The following ST3GAL6 variants were observed in gnomAD, a reference collection of about 807,000 sequenced individuals.
ST3GAL6 encodes the protein ST3 beta-galactoside alpha-2,3-sialyltransferase 6, also known as type 2 lactosamine alpha-2,3-sialyltransferase.
ST3GAL6 carries 31 observed loss-of-function variants against 40.5 expected under a neutral mutation model. The observed-to-expected ratio is 0.77, with a 90% confidence interval of 0.58 to 1.03. ST3GAL6 has a LOEUF of 1.03. ST3GAL6 is among the 50% of genes least tolerant of loss of function. The pLI, the probability that ST3GAL6 is intolerant of heterozygous loss-of-function variation, is 0.00. For missense variants in ST3GAL6, 357 were observed against 393.2 expected, an observed-to-expected ratio of 0.91 and a Z score of 0.78; for synonymous variants, 129 against 136.9, an observed-to-expected ratio of 0.94 and a Z score of 0.40.
chr3:98,771,000 A>C, intron 3 of ST3GAL6, 44 bp downstream of exon 3: 1 of 1,595,854 alleles, frequency 6.3e-7, no homozygotes, highest in Non-Finnish European at 8.6e-7. Context: ...AAATATTCTA[A>C]ATGTGCTTGT....
At chr3:98,782,951 A>G (rs1397250451) in intron 5 of ST3GAL6, 6 of 350,026 alleles carry the variant, frequency 1.7e-5, no homozygotes, top group South Asian at 1.2e-4. Flanking sequence ...GGCTGCATCA[A>G]TTGGAAATGC....
intron 1 of ST3GAL6, among the ~76,000 whole-genome samples, chr3:98,755,293 G>C (rs1937336638): frequency 1.3e-5 from 2 of 152,098 alleles, no homozygotes; most frequent in South Asian, 4.1e-4. Flanking sequence ...TGATCCACCT[G>C]CCTCAGCCTC....
chr3:98,784,856 G>C lies in ST3GAL6; in HGVS notation c.336-89G>C, dbSNP rs116225654. 2,436 of 976,988 alleles carry C rather than the reference G, an allele frequency of 2.5e-3. 37 individuals carry two copies. The African/African-American group carries it at 0.034, about 14-fold the overall frequency. The allele number at this position is 976,988 out of a possible 1,614,324, so 60.5% of individuals were successfully genotyped here. A position where few individuals can be genotyped will look rare whatever the true frequency, so the allele number is the denominator to read the frequency against. On this transcript the variant is annotated intron_variant, in intron 5 of 9. Coordinates refer to ENST00000483910, the MANE Select transcript of ST3GAL6 (RefSeq NM_001323368.2). ...TCTACTTGCGCAACAAGTGGAATTTGGCACTGGGTTTCTGACAGTATGCAT... is the reference window on the plus strand; with the variant it reads ...TCTACTTGCGCAACAAGTGGAATTTCGCACTGGGTTTCTGACAGTATGCAT...
chr3:98,778,006 C>T (rs1939715563), intron 5 of ST3GAL6, among the ~76,000 whole-genome samples: 1 of 152,192 alleles, frequency 6.6e-6, no homozygotes, highest in Admixed American at 6.5e-5. Flanking sequence ...CATCCTCACA[C>T]AGCTAGAAAC....
At chr3:98,769,789 AG>A (rs1270497882) in intron 2 of ST3GAL6, among the ~76,000 whole-genome samples, 2 of 149,532 alleles carry the variant, frequency 1.3e-5, no homozygotes, top group African/African-American at 4.9e-5. Context: ...AGTCACCCAA[AG>A]GTTGTCTTCA....
Position 98,795,685 on chromosome 3 carries a change from G to C in ST3GAL6, c.*1924G>C, listed in dbSNP as rs2107403195. 1 of 152,228 alleles carries C rather than the reference G, an allele frequency of 6.6e-6. No individual in the cohort carries two copies. Among genetic ancestry groups the C allele is most frequent in the Non-Finnish European group, 1.5e-5 (1 of 68,052 alleles). The allele number at this position is 152,228 out of a possible 1,614,324, so 9.4% of individuals were successfully genotyped here. On this transcript the variant is annotated 3_prime_UTR_variant, in exon 10 of 10. Coordinates refer to ENST00000483910, the MANE Select transcript of ST3GAL6 (RefSeq NM_001323368.2). ...CGGGGGGAGCGAGGGGAGCGGGGAGGGCAAGGGCTGAAAGACTATGTATTG... is the reference window on the plus strand; with the variant it reads ...CGGGGGGAGCGAGGGGAGCGGGGAGCGCAAGGGCTGAAAGACTATGTATTG...
At chr3:98,751,910 A>G (rs1021941104) in intron 1 of ST3GAL6, among the ~76,000 whole-genome samples, 6 of 152,228 alleles carry the variant, frequency 3.9e-5, no homozygotes, top group Admixed American at 1.3e-4. Context: ...TATGATTTTC[A>G]TAATCAAGCA....
upstream of ST3GAL6, among the ~76,000 whole-genome samples, chr3:98,759,845 T>C (rs1322886765): frequency 1.3e-5 from 2 of 152,140 alleles, no homozygotes; most frequent in Admixed American, 1.3e-4. Context: ...CCTATAGCTG[T>C]AATGTGAATG....
intron 5 of ST3GAL6, chr3:98,783,668 C>T: frequency 1.0e-6 from 1 of 985,394 alleles, no homozygotes; most frequent in Non-Finnish European, 1.2e-6. Flanking sequence ...GGCGAGGTTT[C>T]AGGCACACAC....
At chr3:98,738,932 A>G (rs1423001109) in intron 1 of ST3GAL6, among the ~76,000 whole-genome samples, 1 of 152,196 alleles carries the variant, frequency 6.6e-6, no homozygotes, top group African/African-American at 2.4e-5. Context: ...CATACTCTAA[A>G]ACCAACCACA....
chr3:98,747,581 A>G (rs1245879553), intron 1 of ST3GAL6, among the ~76,000 whole-genome samples: 3 of 152,248 alleles, frequency 2.0e-5, no homozygotes, highest in Non-Finnish European at 4.4e-5. Flanking sequence ...TAGATAATCA[A>G]GTCTCTGAAA....
intron 5 of ST3GAL6, among the ~76,000 whole-genome samples, chr3:98,776,111 T>C (rs781272953): frequency 2.6e-5 from 4 of 152,232 alleles, no homozygotes; most frequent in Non-Finnish European, 4.4e-5. Context: ...TATGACACTA[T>C]TATCTTCTAT....
chr3:98,794,964 T>C lies in ST3GAL6; in HGVS notation c.*1203T>C, dbSNP rs1346805918. ...ATGGTACAAAAAGAATATCTCATTT[T>C]CCCATGATTAAAGCTAATCTTCAGA... On this transcript the variant is annotated 3_prime_UTR_variant, in exon 10 of 10. Coordinates refer to ENST00000483910, the MANE Select transcript of ST3GAL6 (RefSeq NM_001323368.2). 1 of 152,118 alleles carries C rather than the reference T, an allele frequency of 6.6e-6. No homozygotes were observed. The highest frequency in any genetic ancestry group is 6.5e-5 in the Admixed American group (1 of 15,268). 9.4% of individuals were successfully genotyped at this position (152,118 alleles called of 1,614,324 possible).
In ST3GAL6 at chr3:98,732,898, C is replaced by T. The variant is rs1478069406; in HGVS notation, c.-12+366C>T. ...GCGCCGCGAGAGAGGCAGCAGCCGG[C>T]TGGAGCAGCGGCCCCTCAGGTCTCG... On this transcript the variant is annotated intron_variant, in intron 1 of 9. Coordinates refer to the ST3GAL6 transcript ENST00000265261. The T allele has an allele frequency of 2.7e-6, 4 of 1,508,392 alleles. No homozygotes were observed. In the Admixed American group the frequency reaches 8.1e-5, roughly 31 times the overall value. 93.4% of individuals were successfully genotyped at this position (1,508,392 alleles called of 1,614,324 possible).
At chr3:98,734,828 G>T (rs1441755265) in intron 1 of ST3GAL6, among the ~76,000 whole-genome samples, 1 of 152,186 alleles carries the variant, frequency 6.6e-6, no homozygotes, top group Admixed American at 6.5e-5. Flanking sequence ...CAGACGACTG[G>T]ATTTCACAGC....
At chr3:98,771,040 A>G in intron 3 of ST3GAL6, 84 bp downstream of exon 3, 1 of 1,541,424 alleles carries the variant, frequency 6.5e-7, no homozygotes, top group Non-Finnish European at 8.9e-7. Flanking sequence ...TTATTTTTTT[A>G]ATGCAAATCT....
chr3:98,774,119 G>A, intron 5 of ST3GAL6, 136 bp downstream of exon 5: 1 of 642,610 alleles, frequency 1.6e-6, no homozygotes, highest in East Asian at 2.7e-5. Context: ...ATTTCTAGTA[G>A]TAATTTGACA....
chr3:98,751,966 T>A (rs1937037317), intron 1 of ST3GAL6, among the ~76,000 whole-genome samples: 1 of 152,226 alleles, frequency 6.6e-6, no homozygotes, highest in Admixed American at 6.5e-5. Flanking sequence ...AAATGGCCTA[T>A]GAAATAAAAT....
At chr3:98,781,898 A>T (rs1940164989) in intron 5 of ST3GAL6, among the ~76,000 whole-genome samples, 2 of 152,190 alleles carry the variant, frequency 1.3e-5, no homozygotes, top group African/African-American at 2.4e-5. Context: ...TTCCTAGTGG[A>T]GATGGAGCCA....
Sources: gnomAD v4.1 joint callset for allele counts (sites outside exome capture counted in the v4.1 genomes callset) on GRCh38, gnomAD v4.1.1 for gene constraint, MANE v1.5 for transcripts, NCBI Gene and HGNC (gene_info 2026-07-23, HGNC 2026-07-21) for gene names.